Variants in NALF1 observed in about 807,000 individuals in gnomAD.
The protein encoded by NALF1 is NALCN channel auxiliary factor 1, also known as family with sequence similarity 155 member A.
Under a neutral mutation model 48.4 loss-of-function variants are expected in NALF1, and 3 were observed. The ratio of observed to expected loss-of-function variants is 0.06; its 90% CI spans 0.03 to 0.16. NALF1 has a LOEUF of 0.16. Ranked by LOEUF, NALF1 falls within the 10% of genes least tolerant of loss-of-function variation. NALF1 has a pLI of 1.00. For synonymous variants in NALF1, 262 were observed against 245.7 expected, an observed-to-expected ratio of 1.07 and a Z score of -0.62; for missense variants, 526 against 571.5, an observed-to-expected ratio of 0.92 and a Z score of 0.81.
intron 1 of NALF1, among the ~76,000 whole-genome samples, chr13:107,666,334 C>T (rs919490343): frequency 6.6e-6 from 1 of 152,110 alleles, no homozygotes; most frequent in Non-Finnish European, 1.5e-5. Context: ...ACATTGCCAC[C>T]TCTCGGTAGC....
At chr13:107,540,032 C>A (rs1439818991) in intron 1 of NALF1, among the ~76,000 whole-genome samples, 1 of 122,404 alleles carries the variant, frequency 8.2e-6, no homozygotes, top group Admixed American at 8.7e-5. Flanking sequence ...ACAATAGATA[C>A]CCATCAGCTT....
intron 1 of NALF1, among the ~76,000 whole-genome samples, chr13:107,674,767 T>A (rs539227074): frequency 6.6e-6 from 1 of 152,116 alleles, no homozygotes; most frequent in Non-Finnish European, 1.5e-5. Flanking sequence ...TTCAAAAGCA[T>A]AGAAGAGGAA....
chr13:107,194,979 C>T (rs1879360609), intron 2 of NALF1, among the ~76,000 whole-genome samples: 2 of 152,168 alleles, frequency 1.3e-5, no homozygotes, highest in Non-Finnish European at 2.9e-5. Flanking sequence ...CTCAACATCA[C>T]TAATCATCAG....
intron 1 of NALF1, among the ~76,000 whole-genome samples, chr13:107,794,569 A>C (rs191130571): frequency 6.6e-6 from 1 of 151,560 alleles, no homozygotes; most frequent in Non-Finnish European, 1.5e-5. Flanking sequence ...CAAAAAAAGA[A>C]AAAAAAAGAA....
In NALF1 at chr13:107,734,750, G is replaced by GCA. The variant is rs1299452683; in HGVS notation, c.915+130930_915+130931dup. On this transcript the variant is annotated intron_variant, in intron 1 of 2. Transcript: ENST00000375915. The stretch of plus-strand genomic sequence containing the variant: ...AATATTGTGAAGATGAAATAAGACA[G>GCA]CACACATAATGGGCTCCCATTAATA... 1.5e-4 allele frequency among the ~76,000 whole-genome samples: 23 copies of GCA among 152,140 alleles called. 1 individual carries two copies. The East Asian group carries it at 4.4e-3, about 29-fold the overall frequency.
At chr13:107,194,020 C>G (rs1330024907) in intron 2 of NALF1, among the ~76,000 whole-genome samples, 3 of 117,854 alleles carry the variant, frequency 2.5e-5, no homozygotes, top group East Asian at 2.2e-4. Flanking sequence ...ATCTATCTAT[C>G]TATCTATCTA....
intron 1 of NALF1, among the ~76,000 whole-genome samples, chr13:107,606,802 G>A (rs766568256): frequency 2.6e-5 from 4 of 152,134 alleles, no homozygotes; most frequent in Admixed American, 6.5e-5. Flanking sequence ...CATATTTTCT[G>A]TGCTATGATA....
intron 2 of NALF1, among the ~76,000 whole-genome samples, chr13:107,176,272 G>A (rs1317612335): frequency 6.7e-6 from 1 of 148,594 alleles, no homozygotes; most frequent in Non-Finnish European, 1.5e-5. Context: ...GAAATCTCTA[G>A]TGAATCATTA....
chr13:107,657,066 A>G (rs1041064237), intron 1 of NALF1, among the ~76,000 whole-genome samples: 24 of 152,068 alleles, frequency 1.6e-4, no homozygotes, highest in African/African-American at 5.1e-4. Flanking sequence ...CATTGGGTAC[A>G]ATGTACACTG....
intron 1 of NALF1, among the ~76,000 whole-genome samples, chr13:107,249,156 G>A (rs2138842279): frequency 6.6e-6 from 1 of 151,980 alleles, no homozygotes; most frequent in Middle Eastern, 3.4e-3. Context: ...TGGAAAAATG[G>A]CAGAAAATTA....
intron 1 of NALF1, among the ~76,000 whole-genome samples, chr13:107,223,810 C>A (rs951813425): frequency 3.9e-5 from 6 of 152,092 alleles, no homozygotes; most frequent in Non-Finnish European, 5.9e-5. Flanking sequence ...AATATAAGTA[C>A]ACACTCTGCA....
At chr13:107,510,198 G>T (rs1249143454) in intron 1 of NALF1, among the ~76,000 whole-genome samples, 1 of 152,092 alleles carries the variant, frequency 6.6e-6, no homozygotes, top group African/African-American at 2.4e-5. Context: ...TGATCATATT[G>T]CTATTTGAGT....
At chr13:107,584,775 C>T (rs987325312) in intron 1 of NALF1, among the ~76,000 whole-genome samples, 3 of 152,172 alleles carry the variant, frequency 2.0e-5, no homozygotes, top group African/African-American at 4.8e-5. Flanking sequence ...TGCCTCACTC[C>T]ACGTGAAGCC....
chr13:107,779,636 C>T (rs1356104839), intron 1 of NALF1, among the ~76,000 whole-genome samples: 2 of 152,190 alleles, frequency 1.3e-5, no homozygotes, highest in East Asian at 1.9e-4. Context: ...GCCAAGCACT[C>T]GTTCTGTAGT....
intron 1 of NALF1, among the ~76,000 whole-genome samples, chr13:107,840,869 CATATG>C (rs1333797086): frequency 6.6e-6 from 1 of 151,982 alleles, no homozygotes; most frequent in Non-Finnish European, 1.5e-5. Context: ...TTTTTTCCTT[CATATG>C]TTAAGATTCT....
At chr13:107,841,638 T>A (rs1594308237) in intron 1 of NALF1, among the ~76,000 whole-genome samples, 1 of 143,564 alleles carries the variant, frequency 7.0e-6, no homozygotes, top group Admixed American at 7.0e-5. Context: ...GGAATATCCT[T>A]AAAAAAAAAA....
At chr13:107,659,943 G>A (rs966021598) in intron 1 of NALF1, among the ~76,000 whole-genome samples, 2 of 151,554 alleles carry the variant, frequency 1.3e-5, no homozygotes, top group Non-Finnish European at 2.9e-5. Context: ...ATGTTAGCCA[G>A]GATGGTCTCC....
chr13:107,326,772 G>T (rs192388140), intron 1 of NALF1, among the ~76,000 whole-genome samples: 1 of 152,366 alleles, frequency 6.6e-6, no homozygotes, highest in Non-Finnish European at 1.5e-5. Context: ...ATGGTGCCCA[G>T]GGATAGTGTC....
At chr13:107,470,823 C>G (rs927856555) in intron 1 of NALF1, among the ~76,000 whole-genome samples, 1 of 151,966 alleles carries the variant, frequency 6.6e-6, no homozygotes, top group African/African-American at 2.4e-5. Context: ...TACATGTATA[C>G]TTATGTATAC....
Sources: gnomAD v4.1 joint callset for allele counts (sites outside exome capture counted in the v4.1 genomes callset) on GRCh38, gnomAD v4.1.1 for gene constraint, MANE v1.5 for transcripts, NCBI Gene and HGNC (gene_info 2026-07-23, HGNC 2026-07-21) for gene names.